The following ZER1 variants were observed in gnomAD, a reference collection of about 807,000 sequenced individuals.
ZER1 encodes the protein protein zer-1 homolog.
In ZER1, 11 loss-of-function variants were observed where a neutral mutation model predicts 78.8. That is an observed-to-expected ratio of 0.14 (90% confidence interval 0.09 to 0.23). The LOEUF (loss-of-function observed/expected upper bound fraction) is 0.23, where lower values mean the gene tolerates loss of function less well. Among genes scored for constraint, ZER1 ranks in the 10% least tolerant of loss-of-function variants. The pLI, the probability that ZER1 is intolerant of heterozygous loss-of-function variation, is 1.00. For missense variants in ZER1, 588 were observed against 996.9 expected, an observed-to-expected ratio of 0.59 and a Z score of 5.52; for synonymous variants, 400 against 407.0, an observed-to-expected ratio of 0.98 and a Z score of 0.21.
chr9:128,752,366 C>G (rs1205209748), intron 5 of ZER1, among the ~76,000 whole-genome samples: 1 of 151,844 alleles, frequency 6.6e-6, no homozygotes, highest in Non-Finnish European at 1.5e-5. Context: ...ACTTTGTTGC[C>G]TAGGCTGGAG....
rs1862855968 is a variant in ZER1 at position 128,732,308 on chromosome 9, C to T, written c.2244-914G>A. Among the ~76,000 whole-genome samples, 1 of 152,210 alleles carries T rather than the reference C, an allele frequency of 6.6e-6. No homozygotes were observed. The highest frequency in any genetic ancestry group is 2.1e-4 in the South Asian group (1 of 4,836). ...TTGTTAACCATGAAAATTCCAGGGC[C>T]ACCTCCCACCTCCCGGATGTACTGG... On this transcript the variant is annotated intron_variant, in intron 15 of 15. Transcript: ENST00000291900. This position sits in a 1 kb window ranked among gnomAD's most constrained non-coding sequence, Gnocchi z 4.8.
Position 128,741,854 on chromosome 9 carries a change from A to C in ZER1, c.1576-13T>G, listed in dbSNP as rs1261103502. The C allele has an allele frequency of 6.2e-7, 1 of 1,614,190 alleles. No individual in the cohort carries two copies. On this transcript the variant is annotated splice_polypyrimidine_tract_variant and intron_variant, in intron 9 of 15. Transcript: ENST00000291900. Reference sequence around the variant, plus strand: ...GCTTCAGCATGGTCTGCAGGCAGGGACAAGAGTCTGCTAGAGTGCTGGGGC... The same window carrying C: ...GCTTCAGCATGGTCTGCAGGCAGGGCCAAGAGTCTGCTAGAGTGCTGGGGC...
chr9:128,757,232 A>G (rs1414243315), intron 1 of ZER1, among the ~76,000 whole-genome samples: 3 of 152,208 alleles, frequency 2.0e-5, no homozygotes, highest in African/African-American at 7.2e-5. Context: ...AAGTTACCAC[A>G]CAGAGCCTGG....
chr9:128,772,094 C>G (rs1440337148), upstream of ZER1, among the ~76,000 whole-genome samples: 2 of 152,082 alleles, frequency 1.3e-5, no homozygotes, highest in Admixed American at 1.3e-4. Context: ...CGGGATGCCC[C>G]CCCCAGGCCA....
rs1253993335 is a variant in ZER1, at chr9:128,733,413, G to C, written c.2243+13C>G. 7 of 1,612,688 alleles carry C rather than the reference G, an allele frequency of 4.3e-6. No individual in the cohort carries two copies. Among genetic ancestry groups the C allele is most frequent in the Admixed American group, 1.7e-5 (1 of 59,920 alleles). Reference sequence around the variant, plus strand: ...CCAAGGTTCCAGGCAGAAACACACTGCTGGTCTCTTACCGGGCCATTTCCT... The same window carrying C: ...CCAAGGTTCCAGGCAGAAACACACTCCTGGTCTCTTACCGGGCCATTTCCT... On this transcript the variant is annotated intron_variant, in intron 15 of 15. Transcript: ENST00000291900.
chr9:128,769,275 C>T (rs973448745), intron 1 of ZER1, among the ~76,000 whole-genome samples: 5 of 152,218 alleles, frequency 3.3e-5, no homozygotes, highest in Non-Finnish European at 7.3e-5. Flanking sequence ...ACATACATGC[C>T]CACATTCCTC....
chr9:128,750,494 G>C (rs755286173), intron 8 of ZER1, 122 bp downstream of exon 8: 27 of 1,164,724 alleles, frequency 2.3e-5, no homozygotes, highest in Non-Finnish European at 3.0e-5. Context: ...AGGGAGTGCT[G>C]CTGTGGGAAA....
chr9:128,757,384 C>T (rs528626592), intron 1 of ZER1, among the ~76,000 whole-genome samples: 25 of 151,978 alleles, frequency 1.6e-4, no homozygotes, highest in African/African-American at 2.2e-4. Context: ...TAGCTGGGCA[C>T]GGTGCCATGT....
intron 1 of ZER1, among the ~76,000 whole-genome samples, chr9:128,769,693 C>T (rs1381388496): frequency 3.9e-5 from 6 of 152,118 alleles, no homozygotes; most frequent in Non-Finnish European, 7.4e-5. Context: ...CAGGTGTGAG[C>T]CACCACACCC....
intron 13 of ZER1, among the ~76,000 whole-genome samples, chr9:128,739,527 G>A (rs1863217347): frequency 6.6e-6 from 1 of 150,844 alleles, no homozygotes; most frequent in East Asian, 1.9e-4. Flanking sequence ...AGAAAAGAAA[G>A]GAAATCTTGG....
chr9:128,751,487 G>C lies in ZER1; in HGVS notation c.964C>G (p.Leu322Val). 1 of 1,614,064 alleles carries C rather than the reference G, an allele frequency of 6.2e-7. No homozygotes were observed. Among genetic ancestry groups the C allele is most frequent in the Non-Finnish European group, 8.5e-7 (1 of 1,180,024 alleles). ...CCGAGGAACTGCAGCGGCCTCTTCA[G>C]AGCCCGGAAAGGTATGATGCTGCTC... is the stretch of plus-strand genomic sequence containing the variant. Reference protein sequence around the residue: ...SKSSIIPFRALKRPLQFLGLF... With the variant: ...SKSSIIPFRAVKRPLQFLGLF... Residue 322 changes from leucine (L) to valine (V), a missense_variant, in exon 6 of 16, where the codon CTG becomes GTG. By Grantham distance (32) the Leu-to-Val change is conservative. Around this residue, in one of 3 missense-constraint regions of ZER1, gnomAD observed 406 missense variants for 660.1 expected, o/e 0.62. Coordinates refer to ENST00000291900, the MANE Select transcript of ZER1 (RefSeq NM_006336.4). The surrounding 1 kb of genome is among the most constrained non-coding windows in gnomAD (Gnocchi z 5.4).
chr9:128,744,931 ACT>A (rs1406383476), intron 8 of ZER1, among the ~76,000 whole-genome samples: 4 of 152,160 alleles, frequency 2.6e-5, no homozygotes, highest in Middle Eastern at 3.4e-3. Context: ...TGTCTGGGTG[ACT>A]CTAAGAGTTG....
At position 128,735,327 on chromosome 9, in the gene ZER1, C is replaced by A. The variant is rs753595750; in HGVS notation, c.2140+7G>T. On this transcript the variant is annotated splice_region_variant and intron_variant, in intron 14 of 15. Coordinates refer to ENST00000291900, the MANE Select transcript of ZER1 (RefSeq NM_006336.4). ...AGTGTCTGAACCCAGGACAAGTTGG[C>A]ACTCACGGTAGACAGACACGAGGTT... The A allele has an allele frequency of 6.2e-7, 1 of 1,610,614 alleles. No individual in the cohort carries two copies. The highest frequency in any genetic ancestry group is 1.7e-5 in the Admixed American group (1 of 59,318).
intron 11 of ZER1, 36 bp downstream of exon 11, chr9:128,741,499 G>A (rs1214928886): frequency 3.1e-6 from 5 of 1,613,748 alleles, no homozygotes; most frequent in Non-Finnish European, 4.2e-6. Context: ...CATGTGGGCA[G>A]CTGAGGCAGC....
chr9:128,743,930 A>C (rs1863396060), intron 8 of ZER1, among the ~76,000 whole-genome samples: 1 of 103,876 alleles, frequency 9.6e-6, no homozygotes, highest in Non-Finnish European at 1.8e-5. Flanking sequence ...ATGGAGTCTC[A>C]CTCTGTCGCC....
intron 13 of ZER1, among the ~76,000 whole-genome samples, chr9:128,738,848 ATTTTTTTTTTTT>A (rs71381801): frequency 1.7e-5 from 1 of 58,524 alleles, no homozygotes; most frequent in Non-Finnish European, 3.4e-5. Context: ...CACCCAGCTC[ATTTTTTTTTTTT>A]TTTTTTTTTG....
Position 128,755,312 on chromosome 9 carries a change from C to A in ZER1, c.158+96G>T. ...ACACACACCCTCACACATTCATCTC[C>A]ATAGCTACTCCCCACATAGTGCACA... is the stretch of plus-strand genomic sequence containing the variant. On this transcript the variant is annotated intron_variant, in intron 2 of 15. Transcript: ENST00000291900. The surrounding 1 kb of genome is among the most constrained non-coding windows in gnomAD (Gnocchi z 5.6). 1 of 1,528,168 alleles carries A rather than the reference C, an allele frequency of 6.5e-7. No individual in the cohort carries two copies. The highest frequency in any genetic ancestry group is 9.0e-7 in the Non-Finnish European group (1 of 1,116,256). 94.7% of individuals were successfully genotyped at this position (1,528,168 alleles called of 1,614,324 possible).
intron 1 of ZER1, among the ~76,000 whole-genome samples, chr9:128,757,011 C>T (rs1863879857): frequency 6.6e-6 from 1 of 152,022 alleles, no homozygotes. Flanking sequence ...AAATCATAAA[C>T]TTATCTACAC....
rs372669351 is a variant in ZER1 at position 128,765,420 on chromosome 9, C to G, written c.-95+6161G>C. Among the ~76,000 whole-genome samples, 23 of 152,366 alleles carry G rather than the reference C, an allele frequency of 1.5e-4. 1 individual carries two copies. Among genetic ancestry groups the G allele is most frequent in the Admixed American group, 9.2e-4 (14 of 15,296 alleles). ...GATGAAGATACTGACGCATACACAA[C>G]TAAGCAGAAGCTTGCCTGAGATCAC... On this transcript the variant is annotated intron_variant, in intron 1 of 15. Transcript: ENST00000291900.
Sources: gnomAD v4.1 joint callset for allele counts (sites outside exome capture counted in the v4.1 genomes callset) on GRCh38, gnomAD v4.1.1 for gene constraint, gnomAD v4.1.1 regional missense constraint, Gnocchi (gnomAD v3.1) non-coding constraint, MANE v1.5 for transcripts, NCBI Gene and HGNC (gene_info 2026-07-23, HGNC 2026-07-21) for gene names.